The following COL5A2 variants were observed in gnomAD, a reference collection of about 807,000 sequenced individuals.
COL5A2 encodes the protein collagen type V alpha 2 chain.
COL5A2 carries 23 observed loss-of-function variants against 208.2 expected under a neutral mutation model. The observed-to-expected ratio is 0.11, with a 90% CI of 0.08 to 0.16. The LOEUF (loss-of-function observed/expected upper bound fraction) is 0.16. COL5A2 is among the 10% of genes least tolerant of loss of function. COL5A2 has a pLI of 1.00. For synonymous variants in COL5A2, 625 were observed against 628.5 expected, an observed-to-expected ratio of 0.99 and a Z score of 0.08; for missense variants, 1,590 against 1,956.4, an observed-to-expected ratio of 0.81 and a Z score of 3.53.
the COL5A2 span, among the ~76,000 whole-genome samples, chr2:189,346,166 G>A: frequency 3.3e-5 from 5 of 152,170 alleles, no homozygotes; most frequent in Admixed American, 6.5e-5. Flanking sequence ...ACTATAGGCC[G>A]CTTGAGGCAA....
the COL5A2 span, among the ~76,000 whole-genome samples, chr2:189,282,418 G>A: frequency 2.0e-5 from 3 of 152,062 alleles, no homozygotes; most frequent in Non-Finnish European, 4.4e-5. Flanking sequence ...TTCAAAAGAA[G>A]CATGATAGTA....
chr2:189,072,512 C>T (rs921906891), intron 17 of COL5A2, among the ~76,000 whole-genome samples: 2 of 152,116 alleles, frequency 1.3e-5, no homozygotes, highest in African/African-American at 4.8e-5. Flanking sequence ...TGGCTCATGC[C>T]TGTAATCCCA....
At chr2:189,331,928 C>T in the COL5A2 span, among the ~76,000 whole-genome samples, 13 of 142,062 alleles carry the variant, frequency 9.2e-5, no homozygotes, top group Admixed American at 1.5e-4. Context: ...CCAGCCTGGG[C>T]GACAGAGCAA....
At chr2:189,310,367 G>C in the COL5A2 span, among the ~76,000 whole-genome samples, 1 of 152,164 alleles carries the variant, frequency 6.6e-6, no homozygotes, top group African/African-American at 2.4e-5. Context: ...GCTACAAGGA[G>C]ATATCATTAT....
the COL5A2 span, among the ~76,000 whole-genome samples, chr2:189,278,857 T>C: frequency 1.3e-5 from 2 of 152,122 alleles, no homozygotes; most frequent in East Asian, 3.9e-4. Flanking sequence ...TTGTATCTAT[T>C]TTTTGATTTA....
the COL5A2 span, among the ~76,000 whole-genome samples, chr2:189,411,427 G>T: frequency 0.066 from 10,100 of 152,140 alleles, 386 homozygotes; most frequent in South Asian, 0.089. Flanking sequence ...AGAAAGGGAA[G>T]GGCAGAGCAA....
chr2:189,148,353 T>C (rs957902426), intron 1 of COL5A2, among the ~76,000 whole-genome samples: 4 of 152,030 alleles, frequency 2.6e-5, no homozygotes, highest in Non-Finnish European at 5.9e-5. Flanking sequence ...AGTTGACACA[T>C]GTAAGAAAAG....
the COL5A2 span, among the ~76,000 whole-genome samples, chr2:189,250,203 G>A: frequency 6.6e-6 from 1 of 152,192 alleles, no homozygotes; most frequent in South Asian, 2.1e-4. Context: ...GGCTTACTGT[G>A]TACAGAGTAC....
At chr2:189,258,192 A>C in the COL5A2 span, among the ~76,000 whole-genome samples, 1 of 152,330 alleles carries the variant, frequency 6.6e-6, no homozygotes, top group African/African-American at 2.4e-5. Flanking sequence ...GTTTGTCGTG[A>C]AAATCAGTTC....
the COL5A2 span, among the ~76,000 whole-genome samples, chr2:189,252,442 T>A: frequency 6.6e-6 from 1 of 152,116 alleles, no homozygotes; most frequent in Admixed American, 6.5e-5. Flanking sequence ...ATAAAAAGGA[T>A]GAGTTCATGT....
the COL5A2 span, among the ~76,000 whole-genome samples, chr2:189,325,865 G>A: frequency 6.6e-6 from 1 of 152,160 alleles, no homozygotes; most frequent in African/African-American, 2.4e-5. Flanking sequence ...GGGAGGCCGA[G>A]CCAGGCAGAT....
chr2:189,064,711 A>G lies in COL5A2; in HGVS notation c.1618-56T>C, dbSNP rs1686109136. On this transcript the variant is annotated intron_variant, in intron 24 of 53. Transcript: ENST00000374866. ...AAAAGAGTATAGAAAAACAAAAGCAAGCAGAAGTAAAATTATCGTTTTACA... is the reference window on the plus strand; with the variant it reads ...AAAAGAGTATAGAAAAACAAAAGCAGGCAGAAGTAAAATTATCGTTTTACA... 11 of 1,213,358 alleles carry G rather than the reference A, an allele frequency of 9.1e-6. No homozygotes were observed. The South Asian group carries it at 1.2e-4, about 13-fold the overall frequency. The allele number at this position is 1,213,358 out of a possible 1,614,324, so 75.2% of individuals were successfully genotyped here.
chr2:189,236,807 G>C, the COL5A2 span, among the ~76,000 whole-genome samples: 1 of 151,900 alleles, frequency 6.6e-6, no homozygotes, highest in South Asian at 2.1e-4. Context: ...TCAAATACAT[G>C]ACAAATAAAC....
At chr2:189,156,529 T>C (rs969124615) in intron 1 of COL5A2, among the ~76,000 whole-genome samples, 3 of 152,204 alleles carry the variant, frequency 2.0e-5, no homozygotes, top group Non-Finnish European at 1.5e-5. Context: ...TGTATGTTGA[T>C]AGTCTTGTCC....
At chr2:189,211,443 C>A (rs1370243675) in intron 1 of COL5A2, among the ~76,000 whole-genome samples, 1 of 152,114 alleles carries the variant, frequency 6.6e-6, no homozygotes, top group Non-Finnish European at 1.5e-5. Context: ...ATGATAAGTA[C>A]TGCACTGTTA....
rs930952373 is a variant in COL5A2 at position 189,154,847 on chromosome 2, T to C, written c.97+24661A>G. Among the ~76,000 whole-genome samples the C allele has an allele frequency of 5.3e-5, 8 of 152,216 alleles. 1 individual carries two copies. The highest frequency in any genetic ancestry group is 4.6e-4 in the Admixed American group (7 of 15,274). ...CCTCCATTATATTCACTTTTGTATA[T>C]ATTTTACCTGGCATAAAACTCGAAA... On this transcript the variant is annotated intron_variant, in intron 1 of 53. Coordinates refer to ENST00000374866, the MANE Select transcript of COL5A2 (RefSeq NM_000393.5).
chr2:189,198,039 C>G (rs1323002029), intron 1 of COL5A2, among the ~76,000 whole-genome samples: 1 of 151,946 alleles, frequency 6.6e-6, no homozygotes, highest in African/African-American at 2.4e-5. Flanking sequence ...CTAGTAGAAA[C>G]GGGGTTTCAC....
At chr2:189,228,815 G>A (rs1689448122), upstream of COL5A2, among the ~76,000 whole-genome samples, 1 of 151,850 alleles carries the variant, frequency 6.6e-6, no homozygotes, top group African/African-American at 2.4e-5. Flanking sequence ...GTTTTATGAA[G>A]CCAGCATTAT....
At chr2:189,429,400 C>T in the COL5A2 span, among the ~76,000 whole-genome samples, 3 of 152,182 alleles carry the variant, frequency 2.0e-5, no homozygotes, top group Non-Finnish European at 4.4e-5. Context: ...CTCTAATTAC[C>T]TGTGTCTTGG....
Sources: gnomAD v4.1 joint callset for allele counts (sites outside exome capture counted in the v4.1 genomes callset) on GRCh38, gnomAD v4.1.1 for gene constraint, MANE v1.5 for transcripts, NCBI Gene and HGNC (gene_info 2026-07-23, HGNC 2026-07-21) for gene names.